PHIP: variants seen among roughly 807,000 people sequenced by gnomAD.
PHIP encodes PH-interacting protein.
PHIP carries 54 observed loss-of-function variants against 236.8 expected under a neutral mutation model. That is an observed-to-expected ratio of 0.23 (90% CI 0.18 to 0.29). The LOEUF (loss-of-function observed/expected upper bound fraction) is 0.29, where lower values mean the gene tolerates loss of function less well. PHIP is among the 10% of genes least tolerant of loss of function. The probability of loss-of-function intolerance (pLI) is 1.00; values close to 1 mark genes in which losing one functional copy is unlikely to be tolerated. For synonymous variants in PHIP, 756 were observed against 718.9 expected (o/e 1.05, Z -0.83); for missense variants, 1,370 against 2,190.8 (o/e 0.63, Z 7.48).
At chr6:78,953,540 A>G (rs1766200310) in intron 35 of PHIP, among the ~76,000 whole-genome samples, 1 of 152,228 alleles carries the variant, frequency 6.6e-6, no homozygotes, top group African/African-American at 2.4e-5. Flanking sequence ...AGAACATTAT[A>G]GCATCAGCTC....
intron 25 of PHIP, 27 bp from the exon 26 acceptor site, chr6:78,970,200 C>T (rs376921542): frequency 6.3e-7 from 1 of 1,595,306 alleles, no homozygotes; most frequent in East Asian, 2.2e-5. Flanking sequence ...ATATAAGGAA[C>T]CATCTTTACA....
At position 78,994,525 on chromosome 6, in the gene PHIP, C is replaced by T. The variant is rs1046060230; in HGVS notation, c.2201+2889G>A. Among the ~76,000 whole-genome samples the T allele has an allele frequency of 1.1e-4, 16 of 151,956 alleles. No individual in the cohort carries two copies. The South Asian group carries it at 1.7e-3, about 16-fold the overall frequency. ...CTGGGAGGTGGATGTTGCGGTGAGC[C>T]GAGATCACGCCACTGCACTCCAGCC... On this transcript the variant is annotated intron_variant, in intron 19 of 39. Transcript: ENST00000275034.
intron 7 of PHIP, among the ~76,000 whole-genome samples, chr6:79,029,344 AATTT>A (rs1233423796): frequency 6.6e-6 from 1 of 152,210 alleles, no homozygotes; most frequent in African/African-American, 2.4e-5. Context: ...TGTGATAATT[AATTT>A]AACTTTATGG....
chr6:79,035,028 C>A (rs1032496787), intron 7 of PHIP, among the ~76,000 whole-genome samples: 5 of 152,120 alleles, frequency 3.3e-5, no homozygotes, highest in Admixed American at 1.3e-4. Context: ...ACAGAACAAG[C>A]TTGCTGACAT....
In PHIP at chr6:79,009,121, C is replaced by G. The variant is rs552204850; in HGVS notation, c.1525-5263G>C. Among the ~76,000 whole-genome samples, 11 of 152,168 alleles carry G rather than the reference C, an allele frequency of 7.2e-5. 1 individual carries two copies. The South Asian group carries it at 2.3e-3, about 32-fold the overall frequency. ...CTACTGGCAACCAAACTATTTTTCT[C>G]TTAGCTTCTCGACCATCCTATAAAA... On this transcript the variant is annotated intron_variant, in intron 15 of 39. Coordinates refer to ENST00000275034, the MANE Select transcript of PHIP (RefSeq NM_017934.7).
rs758659800 is a variant in PHIP at position 78,958,685 on chromosome 6, T to C, written c.3657-85A>G. On this transcript the variant is annotated intron_variant, in intron 31 of 39. Transcript: ENST00000275034. Reference sequence around the variant, plus strand: ...ATTTAAAACCAAGACATTCCAACTTTTCAACTTCAGTCTAAACCAACTGTA... The same window carrying C: ...ATTTAAAACCAAGACATTCCAACTTCTCAACTTCAGTCTAAACCAACTGTA... 59 of 833,646 alleles carry C rather than the reference T, an allele frequency of 7.1e-5. 1 individual carries two copies. The highest frequency in any genetic ancestry group is 1.1e-4 in the Non-Finnish European group (55 of 501,550). 51.6% of individuals were successfully genotyped at this position (833,646 alleles called of 1,614,324 possible).
At chr6:79,044,104 CA>C (rs1772356953) in intron 6 of PHIP, among the ~76,000 whole-genome samples, 1 of 152,042 alleles carries the variant, frequency 6.6e-6, no homozygotes, top group African/African-American at 2.4e-5. Flanking sequence ...GCCCCCACCC[CA>C]AACCCCCAAA....
chr6:78,993,062 T>C (rs1183637023), intron 19 of PHIP, among the ~76,000 whole-genome samples: 5 of 152,226 alleles, frequency 3.3e-5, no homozygotes, highest in Non-Finnish European at 7.3e-5. Context: ...TTGTTGCCGA[T>C]ACAGAAATAG....
intron 4 of PHIP, among the ~76,000 whole-genome samples, chr6:79,072,899 C>G (rs56386305): frequency 6.6e-6 from 1 of 152,228 alleles, no homozygotes; most frequent in African/African-American, 2.4e-5. Flanking sequence ...GCAGAACAAC[C>G]TTTACTACCA....
chr6:79,004,178 C>T (rs1770161751), intron 15 of PHIP, among the ~76,000 whole-genome samples: 1 of 152,040 alleles, frequency 6.6e-6, no homozygotes, highest in Admixed American at 6.6e-5. Flanking sequence ...CATCTATCTC[C>T]GTTCAATCAT....
intron 37 of PHIP, 110 bp from the exon 38 acceptor site, chr6:78,946,370 A>C: frequency 7.1e-7 from 1 of 1,404,908 alleles, no homozygotes; most frequent in Non-Finnish European, 9.5e-7. Context: ...ATATGTTAAA[A>C]TATGAGATTT....
intron 5 of PHIP, 27 bp from the exon 6 acceptor site, chr6:79,060,603 T>C (rs376803406): frequency 2.4e-4 from 384 of 1,609,248 alleles, no homozygotes; most frequent in Non-Finnish European, 3.2e-4. Flanking sequence ...TTTTTATGCA[T>C]ACAAAGAACA....
At chr6:79,016,665 C>G in intron 12 of PHIP, 23 bp from the exon 13 acceptor site, 3 of 1,463,398 alleles carry the variant, frequency 2.1e-6, no homozygotes, top group Non-Finnish European at 2.8e-6. Flanking sequence ...GAATCCGATC[C>G]CCCAAAGAAA....
intron 24 of PHIP, among the ~76,000 whole-genome samples, chr6:78,971,331 T>C (rs1767534169): frequency 6.6e-6 from 1 of 152,262 alleles, no homozygotes; most frequent in African/African-American, 2.4e-5. Flanking sequence ...GGCATACATT[T>C]ATCCACATTT....
chr6:79,029,911 ACT>A (rs1197279754), intron 7 of PHIP, among the ~76,000 whole-genome samples: 2 of 152,102 alleles, frequency 1.3e-5, no homozygotes, highest in Non-Finnish European at 2.9e-5. Context: ...GAACGGATAC[ACT>A]CTCTTTTCCA....
chr6:79,005,687 A>G (rs1369790308), intron 15 of PHIP, among the ~76,000 whole-genome samples: 1 of 152,076 alleles, frequency 6.6e-6, no homozygotes, highest in Non-Finnish European at 1.5e-5. Flanking sequence ...TACAAGTCTA[A>G]GATTACAATT....
chr6:78,966,595 C>A (rs1022557304), intron 27 of PHIP, among the ~76,000 whole-genome samples: 1 of 152,112 alleles, frequency 6.6e-6, no homozygotes, highest in Non-Finnish European at 1.5e-5. Context: ...AAAAAAGAAA[C>A]AAAAATAAAA....
At chr6:78,958,369 T>G (rs918031602) in intron 32 of PHIP, 106 bp downstream of exon 32, 19 of 742,704 alleles carry the variant, frequency 2.6e-5, no homozygotes, top group Admixed American at 1.0e-4. Context: ...TTTTGGCTAC[T>G]CTTAAATGTT....
intron 37 of PHIP, 122 bp from the exon 38 acceptor site, chr6:78,946,382 T>C (rs887356184): frequency 1.0e-5 from 14 of 1,388,452 alleles, no homozygotes; most frequent in South Asian, 4.6e-5. Flanking sequence ...ATGAGATTTA[T>C]AGTGGATTTC....
Sources: gnomAD v4.1 joint callset for allele counts (sites outside exome capture counted in the v4.1 genomes callset) on GRCh38, gnomAD v4.1.1 for gene constraint, MANE v1.5 for transcripts, NCBI Gene and HGNC (gene_info 2026-07-23, HGNC 2026-07-21) for gene names.